The following NEGR1 variants were observed in gnomAD, a reference collection of about 807,000 sequenced individuals.
NEGR1 encodes neuronal growth regulator 1.
In NEGR1, 10 loss-of-function variants were observed where a neutral mutation model predicts 40.9. That is an observed-to-expected ratio of 0.24 (90% CI 0.15 to 0.42). NEGR1 has a LOEUF of 0.42. Ranked by LOEUF, NEGR1 falls within the 10% of genes least tolerant of loss-of-function variation. NEGR1 has a pLI of 1.00. For synonymous variants in NEGR1, 185 were observed against 166.8 expected, an observed-to-expected ratio of 1.11 and a Z score of -0.84; for missense variants, 352 against 438.9, an observed-to-expected ratio of 0.80 and a Z score of 1.77.
At position 72,204,296 on chromosome 1, in the gene NEGR1, GA is replaced by G. The variant is rs569027899; in HGVS notation, c.176+78022del. Among the ~76,000 whole-genome samples, 23 of 151,974 alleles carry G rather than the reference GA, an allele frequency of 1.5e-4. No individual in the cohort carries two copies. The East Asian group carries it at 2.9e-3, about 19-fold the overall frequency. ...ATCTACTAAACTCCCTAATTAATGAGAAAAAAATATCCATTTCCTCCTTCCT... is the reference window on the plus strand; with the variant it reads ...ATCTACTAAACTCCCTAATTAATGAGAAAAAATATCCATTTCCTCCTTCCT... On this transcript the variant is annotated intron_variant, in intron 1 of 6. Coordinates refer to ENST00000357731, the MANE Select transcript of NEGR1 (RefSeq NM_173808.3).
chr1:71,620,913 C>T (rs1298748000), intron 4 of NEGR1, among the ~76,000 whole-genome samples: 1 of 151,838 alleles, frequency 6.6e-6, no homozygotes, highest in African/African-American at 2.4e-5. Flanking sequence ...GTTTTCTCAC[C>T]TGTAAAATAG....
chr1:71,416,952 AT>A (rs750946333), intron 6 of NEGR1, among the ~76,000 whole-genome samples: 1 of 152,194 alleles, frequency 6.6e-6, no homozygotes. Flanking sequence ...AGCTGTTGCC[AT>A]CCTTTAGTTT....
chr1:72,189,808 A>G (rs546379849), intron 1 of NEGR1, among the ~76,000 whole-genome samples: 2 of 151,712 alleles, frequency 1.3e-5, no homozygotes, highest in East Asian at 3.9e-4. Context: ...ATTGTTCATG[A>G]TACAAGATTG....
intron 6 of NEGR1, among the ~76,000 whole-genome samples, chr1:71,420,957 T>C (rs1050265896): frequency 6.6e-6 from 1 of 152,068 alleles, no homozygotes; most frequent in Non-Finnish European, 1.5e-5. Flanking sequence ...AATGAGTTTG[T>C]TCTACATACT....
intron 1 of NEGR1, among the ~76,000 whole-genome samples, chr1:71,947,682 T>C (rs1020468382): frequency 3.9e-5 from 6 of 152,064 alleles, no homozygotes; most frequent in African/African-American, 1.2e-4. Context: ...TGATTCTACA[T>C]GTTCAACAGG....
At chr1:72,154,647 A>G (rs1012124150) in intron 1 of NEGR1, among the ~76,000 whole-genome samples, 2 of 152,076 alleles carry the variant, frequency 1.3e-5, no homozygotes, top group Non-Finnish European at 1.5e-5. Context: ...GAATATGAAC[A>G]TGTGCATTCA....
intron 1 of NEGR1, among the ~76,000 whole-genome samples, chr1:72,080,174 C>A (rs1376148099): frequency 6.6e-6 from 1 of 151,996 alleles, no homozygotes; most frequent in Non-Finnish European, 1.5e-5. Context: ...TATAATACAT[C>A]CCTCTAATAA....
intron 1 of NEGR1, among the ~76,000 whole-genome samples, chr1:72,129,699 T>C (rs1650169916): frequency 6.6e-6 from 1 of 152,186 alleles, no homozygotes; most frequent in African/African-American, 2.4e-5. Context: ...TGACAAGGTC[T>C]AAATGAATGA....
At chr1:72,005,952 C>T (rs1172047956) in intron 1 of NEGR1, among the ~76,000 whole-genome samples, 2 of 152,038 alleles carry the variant, frequency 1.3e-5, no homozygotes, top group Admixed American at 6.6e-5. Flanking sequence ...CAATTTTACT[C>T]ATTTTTATAT....
chr1:71,887,170 T>C (rs1660746460), intron 2 of NEGR1, among the ~76,000 whole-genome samples: 1 of 152,212 alleles, frequency 6.6e-6, no homozygotes, highest in Admixed American at 6.5e-5. Context: ...GTATTTACTC[T>C]TCATTAAGTG....
chr1:72,065,171 T>G (rs1647243295), intron 1 of NEGR1, among the ~76,000 whole-genome samples: 1 of 152,062 alleles, frequency 6.6e-6, no homozygotes, highest in East Asian at 1.9e-4. Flanking sequence ...AACTTTTCAT[T>G]TTTTTACTGG....
At chr1:71,930,645 C>A (rs1645846838) in intron 2 of NEGR1, among the ~76,000 whole-genome samples, 1 of 152,122 alleles carries the variant, frequency 6.6e-6, no homozygotes, top group Admixed American at 6.6e-5. Flanking sequence ...TTTCTCAAAA[C>A]AATGACTAAG....
At chr1:71,762,144 G>A (rs1268703420) in intron 3 of NEGR1, among the ~76,000 whole-genome samples, 1 of 151,910 alleles carries the variant, frequency 6.6e-6, no homozygotes, top group Admixed American at 6.6e-5. Context: ...AACACATAGA[G>A]CAATTACTTA....
chr1:71,661,082 T>C (rs1393534182), intron 4 of NEGR1, among the ~76,000 whole-genome samples: 1 of 152,244 alleles, frequency 6.6e-6, no homozygotes, highest in African/African-American at 2.4e-5. Flanking sequence ...TGCCACATTT[T>C]CTTTATCCAG....
chr1:72,246,099 C>T (rs190653052), intron 1 of NEGR1, among the ~76,000 whole-genome samples: 209 of 152,142 alleles, frequency 1.4e-3, no homozygotes, highest in African/African-American at 4.9e-3. Context: ...AAGTTTTCAT[C>T]CCATTCAAAA....
intron 1 of NEGR1, among the ~76,000 whole-genome samples, chr1:71,941,192 G>C (rs1645955888): frequency 1.3e-5 from 2 of 152,016 alleles, no homozygotes; most frequent in African/African-American, 4.8e-5. Flanking sequence ...TATTAACAGA[G>C]TTCAGAACCC....
At chr1:71,924,008 A>C (rs1315791929) in intron 2 of NEGR1, among the ~76,000 whole-genome samples, 1 of 151,438 alleles carries the variant, frequency 6.6e-6, no homozygotes, top group Admixed American at 6.6e-5. Flanking sequence ...TTTTGTGCCC[A>C]AGCAATCCTC....
In NEGR1 at chr1:71,776,279, T is replaced by C. The variant is rs1656504582; in HGVS notation, c.428A>G (p.Asp143Gly). The change falls in exon 3 of 7, where the codon GAC (aspartate) becomes GGC (glycine). Residue 143 changes from aspartate (D) to glycine (G), a missense_variant. Around this residue, in one of 5 missense-constraint regions of NEGR1, gnomAD observed 50 missense variants for 53.0 expected, o/e 0.94. Coordinates refer to ENST00000357731, the MANE Select transcript of NEGR1 (RefSeq NM_173808.3). ...ATTGACGGTCATATCATTTGAGATG[T>C]CATATATCTTAGGAGGAACTGAAAT... Reference protein sequence around the residue: ...LTVQVPPKIYDISNDMTVNEG... With the variant: ...LTVQVPPKIYGISNDMTVNEG... 6.3e-7 allele frequency: 1 copy of C among 1,599,114 alleles called. No individual in the cohort carries two copies. Among genetic ancestry groups the C allele is most frequent in the East Asian group, 2.3e-5 (1 of 44,288 alleles).
rs535908005 is a variant in NEGR1, at chr1:71,496,282, T to C, written c.941-88712A>G. 2.6e-5 allele frequency among the ~76,000 whole-genome samples: 4 copies of C among 152,044 alleles called. No individual in the cohort carries two copies. In the South Asian group the frequency reaches 8.3e-4, roughly 32 times the overall value. The stretch of plus-strand genomic sequence containing the variant: ...ACAGGAAATAAGAAACCAGAAGGAA[T>C]AGAGGAATTAAAAGGGCAGAAATGG... On this transcript the variant is annotated intron_variant, in intron 6 of 6. Coordinates refer to ENST00000357731, the MANE Select transcript of NEGR1 (RefSeq NM_173808.3).
Sources: allele counts gnomAD v4.1 joint callset (sites outside exome capture counted in the v4.1 genomes callset), GRCh38; gene constraint gnomAD v4.1.1; regional missense constraint gnomAD v4.1.1; transcripts MANE v1.5; gene names NCBI Gene and HGNC (gene_info 2026-07-23, HGNC 2026-07-21).